The following PGBD5 variants were observed in gnomAD, a reference collection of about 807,000 sequenced individuals.
The protein encoded by PGBD5 is piggyBac transposable element-derived protein 5.
A neutral mutation model predicts 47.9 loss-of-function variants in PGBD5; 14 were observed. That is an observed-to-expected ratio of 0.29 (90% CI 0.19 to 0.46). The LOEUF (loss-of-function observed/expected upper bound fraction) is 0.46. PGBD5 is among the 20% of genes least tolerant of loss of function. The pLI is 1.00. For synonymous variants in PGBD5, 316 were observed against 306.3 expected, an observed-to-expected ratio of 1.03 and a Z score of -0.33; for missense variants, 635 against 716.0, an observed-to-expected ratio of 0.89 and a Z score of 1.29.
chr1:230,394,191 T>G (rs1435690164), intron 1 of PGBD5, among the ~76,000 whole-genome samples: 1 of 151,978 alleles, frequency 6.6e-6, no homozygotes, highest in Non-Finnish European at 1.5e-5. Context: ...TGCTCCCTCC[T>G]GTCTCAGGCC....
intron 1 of PGBD5, among the ~76,000 whole-genome samples, chr1:230,361,528 C>T (rs903731579): frequency 2.0e-5 from 3 of 152,154 alleles, no homozygotes; most frequent in African/African-American, 7.2e-5. Context: ...TCCCTCAGAC[C>T]CAGGGCAGCA....
chr1:230,374,047 GA>G (rs1287247351), intron 1 of PGBD5, among the ~76,000 whole-genome samples: 8 of 152,026 alleles, frequency 5.3e-5, no homozygotes, highest in African/African-American at 1.9e-4. Context: ...AGAATGAATA[GA>G]AAAAAGTCTG....
At chr1:230,353,063 A>G (rs1667582958) in intron 2 of PGBD5, among the ~76,000 whole-genome samples, 1 of 152,164 alleles carries the variant, frequency 6.6e-6, no homozygotes, top group South Asian at 2.1e-4. Context: ...AGAATTTCTG[A>G]CCCTCAATGA....
chr1:230,400,168 C>T (rs978942069), intron 1 of PGBD5, among the ~76,000 whole-genome samples: 3 of 152,236 alleles, frequency 2.0e-5, no homozygotes, highest in Non-Finnish European at 4.4e-5. Flanking sequence ...AGGCACACTC[C>T]TGCCTCGGGC....
chr1:230,346,722 A>G (rs564901326), intron 3 of PGBD5, among the ~76,000 whole-genome samples: 87 of 152,298 alleles, frequency 5.7e-4, no homozygotes, highest in African/African-American at 1.9e-3. Flanking sequence ...CCTACTGTAT[A>G]TGACTCTGGG....
At chr1:230,372,738 G>T (rs1218652426) in intron 1 of PGBD5, among the ~76,000 whole-genome samples, 1 of 152,176 alleles carries the variant, frequency 6.6e-6, no homozygotes, top group Non-Finnish European at 1.5e-5. Context: ...CCCTCGTCGC[G>T]CCATGGACTC....
chr1:230,335,069 GCA>G lies in PGBD5; in HGVS notation c.1076-2030_1076-2029del, dbSNP rs1174274316. On this transcript the variant is annotated intron_variant, in intron 4 of 6. Coordinates refer to ENST00000391860, the MANE Select transcript of PGBD5 (RefSeq NM_001258311.2). ...TACACACACAGACACAAACACAGAT[GCA>G]CACACAGACACACACAGGTACACAC... 2.0e-3 allele frequency among the ~76,000 whole-genome samples: 267 copies of G among 133,840 alleles called. 2 individuals are homozygous for G. Among genetic ancestry groups the G allele is most frequent in the African/African-American group, 7.4e-3 (239 of 32,192 alleles). The allele number at this position is 133,840 out of a possible 152,430, so 87.8% of individuals were successfully genotyped here.
chr1:230,396,373 C>A, intron 1 of PGBD5, among the ~76,000 whole-genome samples: 1 of 143,286 alleles, frequency 7.0e-6, no homozygotes. Flanking sequence ...CCCTCCTCCC[C>A]CTTTGCTCCC....
chr1:230,332,549 A>G (rs1358348636), intron 5 of PGBD5, among the ~76,000 whole-genome samples: 2 of 152,218 alleles, frequency 1.3e-5, no homozygotes, highest in African/African-American at 4.8e-5. Context: ...AATGCCATTC[A>G]AATGCAGCCA....
At chr1:230,420,087 T>C (rs577533480) in intron 1 of PGBD5, among the ~76,000 whole-genome samples, 45 of 152,180 alleles carry the variant, frequency 3.0e-4, no homozygotes, top group Non-Finnish European at 5.4e-4. Flanking sequence ...GATTGTGCCA[T>C]TGCACTCCAG....
At chr1:230,326,158 C>A (rs748231194) in intron 5 of PGBD5, among the ~76,000 whole-genome samples, 1 of 152,258 alleles carries the variant, frequency 6.6e-6, no homozygotes, top group Non-Finnish European at 1.5e-5. Context: ...TGGCTCACGC[C>A]TGTAACCCCA....
chr1:230,421,392 A>G (rs1451679287), intron 1 of PGBD5, among the ~76,000 whole-genome samples: 1 of 152,226 alleles, frequency 6.6e-6, no homozygotes, highest in East Asian at 1.9e-4. Flanking sequence ...AAAGAAAAAA[A>G]AGGCACTACA....
intron 1 of PGBD5, among the ~76,000 whole-genome samples, chr1:230,393,815 A>C (rs1432861539): frequency 1.6e-5 from 2 of 125,216 alleles, no homozygotes; most frequent in Non-Finnish European, 3.3e-5. Flanking sequence ...ACAGAACGAG[A>C]CTCCGTCTCA....
intron 1 of PGBD5, among the ~76,000 whole-genome samples, chr1:230,363,123 TAAG>T (rs906291013): frequency 6.6e-6 from 1 of 152,046 alleles, no homozygotes; most frequent in Non-Finnish European, 1.5e-5. Context: ...CCACAGCGGG[TAAG>T]AAGATCACAT....
chr1:230,397,137 C>T (rs975149294), intron 1 of PGBD5, among the ~76,000 whole-genome samples: 4 of 152,222 alleles, frequency 2.6e-5, no homozygotes, highest in African/African-American at 7.2e-5. Context: ...CATTGCCCAC[C>T]CGCACACGCG....
At chr1:230,419,839 C>G (rs1410712954) in intron 1 of PGBD5, among the ~76,000 whole-genome samples, 1 of 152,122 alleles carries the variant, frequency 6.6e-6, no homozygotes, top group Non-Finnish European at 1.5e-5. Flanking sequence ...TAAGCTTAAG[C>G]TTCAGGCCAG....
chr1:230,335,735 A>C (rs1667304385), intron 4 of PGBD5, among the ~76,000 whole-genome samples: 2 of 146,320 alleles, frequency 1.4e-5, no homozygotes, highest in Non-Finnish European at 3.0e-5. Context: ...ACACACACAG[A>C]CTTACACAAA....
At chr1:230,399,859 T>A (rs1657091805) in intron 1 of PGBD5, among the ~76,000 whole-genome samples, 1 of 152,242 alleles carries the variant, frequency 6.6e-6, no homozygotes, top group African/African-American at 2.4e-5. Context: ...TGGTCCTAGC[T>A]TCACAACACG....
At chr1:230,349,534 CAAA>C (rs11446040) in intron 3 of PGBD5, among the ~76,000 whole-genome samples, 3,525 of 83,646 alleles carry the variant, frequency 0.042, 151 homozygotes, top group African/African-American at 0.14. Context: ...GACCCCGTCT[CAAA>C]AAAAAAAAAA....
Sources: allele counts gnomAD v4.1 joint callset (sites outside exome capture counted in the v4.1 genomes callset), GRCh38; gene constraint gnomAD v4.1.1; transcripts MANE v1.5; gene names NCBI Gene and HGNC (gene_info 2026-07-23, HGNC 2026-07-21).